The following GPC5 variants were observed in gnomAD, a reference collection of about 807,000 sequenced individuals.
GPC5 encodes glypican 5.
In GPC5, 47 loss-of-function variants were observed where a neutral mutation model predicts 53.9. That is an observed-to-expected ratio of 0.87 (90% CI 0.69 to 1.11). GPC5 has a LOEUF of 1.11. GPC5 is among the 50% of genes most tolerant of loss of function. The probability of loss-of-function intolerance (pLI) is 0.00; values close to 1 mark genes in which losing one functional copy is unlikely to be tolerated. For missense variants in GPC5, 748 were observed against 713.1 expected, an observed-to-expected ratio of 1.05 and a Z score of -0.56; for synonymous variants, 286 against 263.3, an observed-to-expected ratio of 1.09 and a Z score of -0.84.
At chr13:92,149,658 G>A (rs1178356875) in intron 7 of GPC5, among the ~76,000 whole-genome samples, 1 of 151,926 alleles carries the variant, frequency 6.6e-6, no homozygotes, top group Non-Finnish European at 1.5e-5. Context: ...AATAAGGGAA[G>A]GTGATTTATT....
intron 7 of GPC5, among the ~76,000 whole-genome samples, chr13:92,759,042 A>C (rs181818659): frequency 9.2e-6 from 1 of 108,410 alleles, no homozygotes; most frequent in Non-Finnish European, 1.7e-5. Flanking sequence ...AAATAATATT[A>C]GTTGACCATG....
chr13:92,157,187 A>T (rs2041951101), intron 7 of GPC5, among the ~76,000 whole-genome samples: 1 of 152,214 alleles, frequency 6.6e-6, no homozygotes, highest in Admixed American at 6.5e-5. Flanking sequence ...TTTAAAATGT[A>T]AATGGTAAAT....
intron 7 of GPC5, among the ~76,000 whole-genome samples, chr13:92,467,801 A>G (rs1459748486): frequency 6.6e-6 from 1 of 152,060 alleles, no homozygotes; most frequent in Non-Finnish European, 1.5e-5. Context: ...CCTCCCCGAA[A>G]AAACATTATT....
intron 7 of GPC5, among the ~76,000 whole-genome samples, chr13:92,320,250 A>G (rs2043207162): frequency 6.6e-6 from 1 of 152,158 alleles, no homozygotes; most frequent in Admixed American, 6.5e-5. Flanking sequence ...TTTGCATTGA[A>G]CAATCTAGGA....
At chr13:92,443,056 A>G (rs1877641508) in intron 7 of GPC5, among the ~76,000 whole-genome samples, 1 of 152,202 alleles carries the variant, frequency 6.6e-6, no homozygotes, top group African/African-American at 2.4e-5. Flanking sequence ...AGACTGCACA[A>G]GAAGCATGGC....
intron 7 of GPC5, among the ~76,000 whole-genome samples, chr13:92,174,144 A>C (rs1451243159): frequency 6.6e-6 from 1 of 152,100 alleles, no homozygotes; most frequent in Non-Finnish European, 1.5e-5. Flanking sequence ...GGATATTCTT[A>C]GGCTTGCTGA....
Position 91,412,506 on chromosome 13 carries a change from T to C in GPC5, c.163+13297T>C, listed in dbSNP as rs1877881003. Among the ~76,000 whole-genome samples the C allele has an allele frequency of 2.0e-5, 3 of 152,354 alleles. No homozygotes were observed. In the South Asian group the frequency reaches 6.2e-4, roughly 32 times the overall value. ...ACAGCAATCAAAAGGTTAGCATCCT[T>C]AATCATAAATGAACCCTCATAAATT... On this transcript the variant is annotated intron_variant, in intron 1 of 7. Transcript: ENST00000377067.
chr13:92,143,052 A>G (rs2041842698), intron 6 of GPC5, among the ~76,000 whole-genome samples: 1 of 152,192 alleles, frequency 6.6e-6, no homozygotes, highest in South Asian at 2.1e-4. Context: ...CATATTAAAT[A>G]TTTGCAAAGT....
At chr13:92,038,620 G>A (rs911700617) in intron 6 of GPC5, among the ~76,000 whole-genome samples, 1 of 150,650 alleles carries the variant, frequency 6.6e-6, no homozygotes, top group African/African-American at 2.4e-5. Context: ...TACACCAAAT[G>A]CCTGATGAAT....
chr13:92,057,362 G>C (rs1291290112), intron 6 of GPC5, among the ~76,000 whole-genome samples: 1 of 152,138 alleles, frequency 6.6e-6, no homozygotes, highest in Non-Finnish European at 1.5e-5. Context: ...AAACAGACCG[G>C]AATGCCAGAA....
chr13:91,498,330 C>T (rs1409642741), intron 2 of GPC5, among the ~76,000 whole-genome samples: 1 of 140,214 alleles, frequency 7.1e-6, no homozygotes. Context: ...TGTTCTGTTG[C>T]CCCCAGGAAA....
chr13:92,625,025 G>A (rs1041210200), intron 7 of GPC5, among the ~76,000 whole-genome samples: 1 of 152,112 alleles, frequency 6.6e-6, no homozygotes, highest in African/African-American at 2.4e-5. Context: ...TCCAGAGCTT[G>A]CTTTTTATTA....
intron 2 of GPC5, among the ~76,000 whole-genome samples, chr13:91,687,518 T>C (rs2035648112): frequency 1.3e-5 from 2 of 152,050 alleles, no homozygotes; most frequent in South Asian, 4.1e-4. Context: ...TTTAGTGAGA[T>C]AACACATAAA....
chr13:91,677,903 A>G (rs993682863), intron 2 of GPC5, among the ~76,000 whole-genome samples: 1 of 152,192 alleles, frequency 6.6e-6, no homozygotes, highest in Non-Finnish European at 1.5e-5. Flanking sequence ...GCTTTTGACT[A>G]TGTTACTGTT....
intron 6 of GPC5, among the ~76,000 whole-genome samples, chr13:91,983,366 G>A (rs2040378329): frequency 1.3e-5 from 2 of 152,000 alleles, no homozygotes; most frequent in South Asian, 2.1e-4. Flanking sequence ...GGACCCAAGG[G>A]AGGAGGAAAA....
chr13:91,845,349 T>C (rs1387138001), intron 5 of GPC5, among the ~76,000 whole-genome samples: 1 of 152,162 alleles, frequency 6.6e-6, no homozygotes, highest in East Asian at 1.9e-4. Flanking sequence ...TAAAATATAA[T>C]TGACAAAACT....
At chr13:91,730,685 G>A (rs961560182) in intron 4 of GPC5, among the ~76,000 whole-genome samples, 3 of 152,174 alleles carry the variant, frequency 2.0e-5, no homozygotes, top group East Asian at 1.9e-4. Context: ...TTGCAAATGA[G>A]TAAGCAACAG....
chr13:91,942,717 G>A (rs188699582), intron 6 of GPC5, among the ~76,000 whole-genome samples: 5 of 151,694 alleles, frequency 3.3e-5, no homozygotes, highest in African/African-American at 1.2e-4. Flanking sequence ...CATTATTAAT[G>A]TTTTGTATGT....
chr13:92,427,595 T>C (rs956647578), intron 7 of GPC5, among the ~76,000 whole-genome samples: 2 of 151,992 alleles, frequency 1.3e-5, no homozygotes, highest in Non-Finnish European at 2.9e-5. Context: ...AAACTTCTTG[T>C]ATTTTTAGGG....
Sources: gnomAD v4.1 joint callset for allele counts (sites outside exome capture counted in the v4.1 genomes callset) on GRCh38, gnomAD v4.1.1 for gene constraint, MANE v1.5 for transcripts, NCBI Gene and HGNC (gene_info 2026-07-23, HGNC 2026-07-21) for gene names.